Variants in DENND1B observed in about 807,000 individuals in gnomAD.
DENND1B encodes the protein DENN domain-containing protein 1B.
DENND1B carries 59 observed loss-of-function variants against 90.1 expected under a neutral mutation model. The observed-to-expected ratio is 0.65, with a 90% CI of 0.53 to 0.81. The LOEUF (loss-of-function observed/expected upper bound fraction) is 0.81, where lower values mean the gene tolerates loss of function less well. Ranked by LOEUF, DENND1B falls within the 40% of genes least tolerant of loss-of-function variation. The pLI is 0.00. For synonymous variants in DENND1B, 337 were observed against 324.6 expected, an observed-to-expected ratio of 1.04 and a Z score of -0.41; for missense variants, 862 against 912.6, an observed-to-expected ratio of 0.94 and a Z score of 0.71.
chr1:197,751,259 A>G (rs1653468608), intron 2 of DENND1B, among the ~76,000 whole-genome samples: 1 of 152,236 alleles, frequency 6.6e-6, no homozygotes, highest in Non-Finnish European at 1.5e-5. Flanking sequence ...CAAATGAAAA[A>G]TAACTAATAA....
rs767336451 is a variant in DENND1B, at chr1:197,510,816, C to G, written c.1972G>C (p.Asp658His). ...RKRVSSSGLT[D>H]SLFILKEENS... ...TCCTCTTTCAGGATAAACAGAGAATCTGTCAAACCACTAGAGGAAACCCGC... is the reference window on the plus strand; with the variant it reads ...TCCTCTTTCAGGATAAACAGAGAATGTGTCAAACCACTAGAGGAAACCCGC... Residue 658 changes from aspartate (D) to histidine (H), a missense_variant, in exon 23 of 23, where the codon GAT becomes CAT. Transcript: ENST00000620048. 6 of 1,612,286 alleles carry G rather than the reference C, an allele frequency of 3.7e-6. No homozygotes were observed. The highest frequency in any genetic ancestry group is 5.1e-6 in the Non-Finnish European group (6 of 1,179,032).
chr1:197,581,416 C>T (rs74134849), intron 15 of DENND1B, among the ~76,000 whole-genome samples: 3,360 of 152,118 alleles, frequency 0.022, 117 homozygotes, highest in African/African-American at 0.075. Context: ...TTTTAAAAGT[C>T]CTACACAGAT....
chr1:197,552,787 T>A, intron 16 of DENND1B: 1 of 1,296,320 alleles, frequency 7.7e-7, no homozygotes. Context: ...TATTAAGAGA[T>A]TATCGAGGCC....
At chr1:197,661,124 C>CTA (rs1436037101) in intron 5 of DENND1B, among the ~76,000 whole-genome samples, 1 of 152,040 alleles carries the variant, frequency 6.6e-6, no homozygotes, top group Admixed American at 6.6e-5. Flanking sequence ...TTAGAAATTA[C>CTA]TATTGGTAAT....
chr1:197,597,653 A>G (rs1675825570), intron 13 of DENND1B, among the ~76,000 whole-genome samples: 1 of 151,840 alleles, frequency 6.6e-6, no homozygotes, highest in Non-Finnish European at 1.5e-5. Context: ...TGCCTGAGTT[A>G]TAAGGGAGTA....
intron 3 of DENND1B, among the ~76,000 whole-genome samples, chr1:197,688,342 C>T (rs1657476916): frequency 6.6e-6 from 1 of 152,000 alleles, no homozygotes. Flanking sequence ...TATGGAACCA[C>T]AAAGGACCCC....
Position 197,615,965 on chromosome 1 carries a change from G to T in DENND1B, c.773+1694C>A, listed in dbSNP as rs568637426. On this transcript the variant is annotated intron_variant, in intron 11 of 22. Transcript: ENST00000620048. ...TGAATTTTATGGCAGGGGTAGAAAC[G>T]ATTAGAAAAGATCTGGAAAAAAATT... Among the ~76,000 whole-genome samples the T allele has an allele frequency of 4.6e-5, 7 of 150,936 alleles. No homozygotes were observed. In the East Asian group the frequency reaches 1.4e-3, roughly 30 times the overall value.
At chr1:197,565,728 G>T (rs570666845) in intron 15 of DENND1B, among the ~76,000 whole-genome samples, 4 of 149,300 alleles carry the variant, frequency 2.7e-5, no homozygotes, top group African/African-American at 9.9e-5. Context: ...CTATGAGTGA[G>T]AATATGCAGT....
At chr1:197,591,820 G>A (rs1675231755) in intron 14 of DENND1B, among the ~76,000 whole-genome samples, 2 of 151,970 alleles carry the variant, frequency 1.3e-5, no homozygotes, top group South Asian at 4.2e-4. Context: ...ATCTTAAGAA[G>A]TGTATCACGG....
At chr1:197,629,333 A>G (rs571490551) in intron 10 of DENND1B, among the ~76,000 whole-genome samples, 2 of 152,200 alleles carry the variant, frequency 1.3e-5, no homozygotes, top group Non-Finnish European at 2.9e-5. Flanking sequence ...TACACCATGG[A>G]ATACTATGCA....
chr1:197,563,756 G>A (rs1159192779), intron 15 of DENND1B, among the ~76,000 whole-genome samples: 2 of 151,868 alleles, frequency 1.3e-5, no homozygotes, highest in Non-Finnish European at 2.9e-5. Context: ...CAATAAATCT[G>A]GGGAAAGTAA....
rs147983857 is a variant in DENND1B, at chr1:197,714,654, G to A, written c.126+377C>T. ...CTGATCACTTATTTATGGCAGTAAC[G>A]CTTACTTCTAAGTACACAGAAAGAA... On this transcript the variant is annotated intron_variant, in intron 3 of 22. Coordinates refer to ENST00000620048, the MANE Select transcript of DENND1B (RefSeq NM_001195215.2). Among the ~76,000 whole-genome samples, 853 of 152,162 alleles carry A rather than the reference G, an allele frequency of 5.6e-3. 10 individuals are homozygous for A. The highest frequency in any genetic ancestry group is 0.02 in the African/African-American group (823 of 41,534).
At chr1:197,745,094 T>C (rs1355107886) in intron 2 of DENND1B, among the ~76,000 whole-genome samples, 2 of 152,200 alleles carry the variant, frequency 1.3e-5, no homozygotes, top group African/African-American at 4.8e-5. Flanking sequence ...TGTGGATGGT[T>C]TGTGGATGGT....
chr1:197,655,372 A>T (rs1653696332), intron 6 of DENND1B, among the ~76,000 whole-genome samples: 1 of 152,148 alleles, frequency 6.6e-6, no homozygotes. Context: ...TCCAATTCTC[A>T]ATTATTACTT....
chr1:197,551,220 T>C (rs1006585753), intron 16 of DENND1B, among the ~76,000 whole-genome samples: 1 of 151,990 alleles, frequency 6.6e-6, no homozygotes, highest in Non-Finnish European at 1.5e-5. Context: ...TTTATTTTCA[T>C]CTACAAAAAA....
At chr1:197,517,317 A>C (rs534923724) in intron 20 of DENND1B, among the ~76,000 whole-genome samples, 34 of 151,928 alleles carry the variant, frequency 2.2e-4, no homozygotes, top group African/African-American at 7.2e-4. Context: ...AAAAGGAATA[A>C]ATGACATTCA....
At chr1:197,545,250 C>T (rs528989879) in intron 18 of DENND1B, among the ~76,000 whole-genome samples, 1 of 152,024 alleles carries the variant, frequency 6.6e-6, no homozygotes, top group East Asian at 2.0e-4. Flanking sequence ...ACTAAGAATA[C>T]AAAAATTAGC....
intron 20 of DENND1B, among the ~76,000 whole-genome samples, chr1:197,513,969 T>C (rs1668222083): frequency 6.6e-6 from 1 of 151,702 alleles, no homozygotes; most frequent in Admixed American, 6.6e-5. Flanking sequence ...TGGGTATTGA[T>C]ATGTGCATTT....
chr1:197,569,520 CTAA>C (rs1672968021), intron 15 of DENND1B, among the ~76,000 whole-genome samples: 1 of 151,420 alleles, frequency 6.6e-6, no homozygotes, highest in Non-Finnish European at 1.5e-5. Context: ...ATGAATCAAC[CTAA>C]CTGTCCATGA....
Sources: allele counts gnomAD v4.1 joint callset (sites outside exome capture counted in the v4.1 genomes callset), GRCh38; gene constraint gnomAD v4.1.1; transcripts MANE v1.5; gene names NCBI Gene and HGNC (gene_info 2026-07-23, HGNC 2026-07-21).